EVI5L: variants seen among roughly 807,000 people sequenced by gnomAD.
EVI5L encodes EVI5-like protein.
A neutral mutation model predicts 106.1 loss-of-function variants in EVI5L; 30 were observed. That is an observed-to-expected ratio of 0.28 (90% CI 0.21 to 0.38). The LOEUF is 0.38. Among genes scored for constraint, EVI5L ranks in the 10% least tolerant of loss-of-function variants. The probability of loss-of-function intolerance (pLI) is 1.00; values close to 1 mark genes in which losing one functional copy is unlikely to be tolerated. For missense variants in EVI5L, 809 were observed against 1,098.0 expected, an observed-to-expected ratio of 0.74 and a Z score of 3.72; for synonymous variants, 489 against 483.3, an observed-to-expected ratio of 1.01 and a Z score of -0.15.
chr19:7,844,952 G>A (rs1040600546), intron 1 of EVI5L, among the ~76,000 whole-genome samples: 4 of 152,184 alleles, frequency 2.6e-5, no homozygotes, highest in Non-Finnish European at 5.9e-5. Context: ...AGGCCCTCAG[G>A]GGTTGGTTGG....
chr19:7,847,595 G>GAA (rs34340959), intron 2 of EVI5L, 137 bp from the exon 3 acceptor site: 14,194 of 637,774 alleles, frequency 0.022, no homozygotes, highest in South Asian at 0.033. Flanking sequence ...CAAAGAAGAA[G>GAA]AAAAAAAAAA....
rs376186448 is a variant in EVI5L at position 7,830,722 on chromosome 19, C to A, written c.-48+341C>A. Among the ~76,000 whole-genome samples the A allele has an allele frequency of 2.7e-4, 39 of 145,758 alleles. No homozygotes were observed. The East Asian group carries it at 8.3e-3, about 31-fold the overall frequency. On this transcript the variant is annotated intron_variant, in intron 1 of 19. Coordinates refer to ENST00000538904, the MANE Select transcript of EVI5L (RefSeq NM_001159944.3). Reference sequence around the variant, plus strand: ...ACCCCCTCAGGGCTCCCCATCCCCCCACTCCGCCGATCAGCCCCTCAGAAG... The same window carrying A: ...ACCCCCTCAGGGCTCCCCATCCCCCAACTCCGCCGATCAGCCCCTCAGAAG...
intron 14 of EVI5L, among the ~76,000 whole-genome samples, chr19:7,861,434 C>T (rs1979795241): frequency 6.6e-6 from 1 of 152,186 alleles, no homozygotes; most frequent in African/African-American, 2.4e-5. Flanking sequence ...ATCAATGAGC[C>T]CTGGGACACC....
rs544361500 is a variant in EVI5L at position 7,849,207 on chromosome 19, G to C, written c.553-49G>C. ...GGAAGGAGAAGTTCCCCAGTTCACC[G>C]GCTGTGCTGGACGGCGGGACCCTGC... On this transcript the variant is annotated intron_variant, in intron 4 of 19. Transcript: ENST00000538904. The C allele has an allele frequency of 1.5e-4, 236 of 1,613,242 alleles. 1 individual carries two copies. Among genetic ancestry groups the C allele is most frequent in the Non-Finnish European group, 2.3e-5 (27 of 1,179,274 alleles).
intron 4 of EVI5L, 26 bp from the exon 5 acceptor site, chr19:7,849,230 T>C (rs1979115361): frequency 1.2e-6 from 2 of 1,614,054 alleles, no homozygotes; most frequent in Non-Finnish European, 1.7e-6. Context: ...GGCGGGACCC[T>C]GCTCTCAGGA....
chr19:7,832,642 G>A (rs1476012454), intron 1 of EVI5L, among the ~76,000 whole-genome samples: 1 of 152,162 alleles, frequency 6.6e-6, no homozygotes, highest in African/African-American at 2.4e-5. Flanking sequence ...TGGCCACCCA[G>A]GTCCCTGCGA....
In EVI5L at chr19:7,861,972, C is replaced by T. The variant is rs2146439926; in HGVS notation, c.1598C>T (p.Thr533Met). The T allele has an allele frequency of 1.3e-6, 2 of 1,549,662 alleles. No homozygotes were observed. Among genetic ancestry groups the T allele is most frequent in the East Asian group, 2.4e-5 (1 of 40,906 alleles). ...KVREGQAVAS[T>M]RELKLQLQEL... ...CGGGAAGGCCAGGCGGTGGCCTCGA[C>T]GCGAGAGCTTAAACTGCAGCTGCAG... Residue 533 changes from threonine (T) to methionine (M), a missense_variant, in exon 15 of 20, where the codon ACG (threonine) becomes ATG (methionine). By Grantham distance (81) the Thr-to-Met change is moderately conservative. Transcript: ENST00000538904.
At position 7,849,992 on chromosome 19, in the gene EVI5L, C is replaced by A. The variant is rs28420566; in HGVS notation, c.628-5C>A. On this transcript the variant is annotated splice_polypyrimidine_tract_variant and splice_region_variant and intron_variant, in intron 5 of 19. Transcript: ENST00000538904. Reference sequence around the variant, plus strand: ...TGAGCCCCCCCACCTGCCCGTCCCCCCTAGATGCCTGAGGAGGAGGCCTTC... The same window carrying A: ...TGAGCCCCCCCACCTGCCCGTCCCCACTAGATGCCTGAGGAGGAGGCCTTC... 9 of 1,588,342 alleles carry A rather than the reference C, an allele frequency of 5.7e-6. No individual in the cohort carries two copies. Among genetic ancestry groups the A allele is most frequent in the Admixed American group, 3.6e-5 (2 of 56,228 alleles).
chr19:7,837,429 C>T (rs553630920), intron 1 of EVI5L, among the ~76,000 whole-genome samples: 32 of 152,188 alleles, frequency 2.1e-4, no homozygotes, highest in African/African-American at 4.8e-4. Context: ...TTCCATATGC[C>T]CCATACCCAG....
Position 7,835,805 on chromosome 19 carries a change from C to T in EVI5L, c.-48+5424C>T, listed in dbSNP as rs910088866. ...GAGGACCTAAGGTGCTAGGTTGGGC[C>T]ATTTCCCCAGAGGTCAGAGCCAGCC... On this transcript the variant is annotated intron_variant, in intron 1 of 19. Transcript: ENST00000538904. The surrounding 1 kb of genome is among the most constrained non-coding windows in gnomAD (Gnocchi z 4.1). Among the ~76,000 whole-genome samples the T allele has an allele frequency of 6.6e-6, 1 of 152,172 alleles. No individual in the cohort carries two copies. Among genetic ancestry groups the T allele is most frequent in the Non-Finnish European group, 1.5e-5 (1 of 68,036 alleles).
rs1428459319 is a variant in EVI5L, at chr19:7,835,559, C to T, written c.-48+5178C>T. On this transcript the variant is annotated intron_variant, in intron 1 of 19. Coordinates refer to ENST00000538904, the MANE Select transcript of EVI5L (RefSeq NM_001159944.3). The surrounding 1 kb of genome is among the most constrained non-coding windows in gnomAD (Gnocchi z 4.1). ...AAGAGGTAGAGGAAGGATTTGAACCCAGGCTGCAAGCTCTGAAGTTCTCAC... is the reference window on the plus strand; with the variant it reads ...AAGAGGTAGAGGAAGGATTTGAACCTAGGCTGCAAGCTCTGAAGTTCTCAC... Among the ~76,000 whole-genome samples, 1 of 152,116 alleles carries T rather than the reference C, an allele frequency of 6.6e-6. No individual in the cohort carries two copies. Among genetic ancestry groups the T allele is most frequent in the Non-Finnish European group, 1.5e-5 (1 of 68,016 alleles).
chr19:7,859,785 G>A (rs1275633217), intron 13 of EVI5L, among the ~76,000 whole-genome samples: 1 of 152,240 alleles, frequency 6.6e-6, no homozygotes, highest in African/African-American at 2.4e-5. Flanking sequence ...GGCCCAAAGG[G>A]AGGCCACTGC....
chr19:7,856,322 T>C lies in EVI5L; in HGVS notation c.1200+254T>C, dbSNP rs1439187325. Among the ~76,000 whole-genome samples, 2 of 151,756 alleles carry C rather than the reference T, an allele frequency of 1.3e-5. No homozygotes were observed. The highest frequency in any genetic ancestry group is 2.9e-5 in the Non-Finnish European group (2 of 67,912). ...GTGGCCTGCAGCCACGGGAATCCAT[T>C]TGTGTTCTGTGCCCTCCCCGGCTGC... On this transcript the variant is annotated intron_variant, in intron 11 of 19. Transcript: ENST00000538904. This position sits in a 1 kb window ranked among gnomAD's most constrained non-coding sequence, Gnocchi z 6.6.
At position 7,857,002 on chromosome 19, in the gene EVI5L, A is replaced by T; in HGVS notation, c.1201-90A>T. On this transcript the variant is annotated intron_variant, in intron 11 of 19. Transcript: ENST00000538904. This position sits in a 1 kb window ranked among gnomAD's most constrained non-coding sequence, Gnocchi z 4.5. ...AGAGATAGTCCACTGCGTTAGTGACAAGTGGTTCTTGTCTGTCTCCCCTCT... is the reference window on the plus strand; with the variant it reads ...AGAGATAGTCCACTGCGTTAGTGACTAGTGGTTCTTGTCTGTCTCCCCTCT... The T allele has an allele frequency of 7.4e-7, 1 of 1,343,950 alleles. No homozygotes were observed. Among genetic ancestry groups the T allele is most frequent in the East Asian group, 2.5e-5 (1 of 39,952 alleles). The allele number at this position is 1,343,950 out of a possible 1,614,324, so 83.3% of individuals were successfully genotyped here. A position where few individuals can be genotyped will look rare whatever the true frequency, so the allele number is the denominator to read the frequency against.
rs1421000894 is a variant in EVI5L, at chr19:7,863,776, C to G, written c.*74C>G. The G allele has an allele frequency of 1.4e-6, 2 of 1,414,318 alleles. No individual in the cohort carries two copies. Among genetic ancestry groups the G allele is most frequent in the Middle Eastern group, 2.6e-4 (1 of 3,852 alleles). The allele number at this position is 1,414,318 out of a possible 1,614,324, so 87.6% of individuals were successfully genotyped here. On this transcript the variant is annotated 3_prime_UTR_variant, in exon 20 of 20. Transcript: ENST00000538904. The surrounding 1 kb of genome is among the most constrained non-coding windows in gnomAD (Gnocchi z 7.7). ...GCCCGGGCAGTCCGCGTTCTGCTCC[C>G]CACCTGCCGCACTTGACAAACTACG...
chr19:7,839,022 G>A (rs1369535843), intron 1 of EVI5L, among the ~76,000 whole-genome samples: 4 of 150,888 alleles, frequency 2.7e-5, no homozygotes, highest in Non-Finnish European at 4.4e-5. Flanking sequence ...AAAATCCTTG[G>A]CCAGGCACGG....
Position 7,846,525 on chromosome 19 carries a change from C to T in EVI5L, c.-18C>T. 2 of 1,601,264 alleles carry T rather than the reference C, an allele frequency of 1.2e-6. No homozygotes were observed. The highest frequency in any genetic ancestry group is 1.7e-6 in the Non-Finnish European group (2 of 1,174,742). ...AGCTGTGAACCAACCCCGCTCACGG[C>T]TAACAAGCCCACCCACCATGGCGAG... On this transcript the variant is annotated 5_prime_UTR_variant, in exon 2 of 20. Transcript: ENST00000538904.
chr19:7,850,319 C>T lies in EVI5L; in HGVS notation c.753+197C>T, dbSNP rs1979179209. Among the ~76,000 whole-genome samples the T allele has an allele frequency of 6.6e-6, 1 of 152,280 alleles. No individual in the cohort carries two copies. The highest frequency in any genetic ancestry group is 6.5e-5 in the Admixed American group (1 of 15,308). On this transcript the variant is annotated intron_variant, in intron 6 of 19. Coordinates refer to ENST00000538904, the MANE Select transcript of EVI5L (RefSeq NM_001159944.3). This position sits in a 1 kb window ranked among gnomAD's most constrained non-coding sequence, Gnocchi z 5.4. ...AAAAGGCACTCCTCTTTCCATGCAG[C>T]ACTGCCCTGAAGGATGCTTGGAGGA...
chr19:7,858,492 C>T lies in EVI5L; in HGVS notation c.1374+161C>T. 1 of 877,202 alleles carries T rather than the reference C, an allele frequency of 1.1e-6. No homozygotes were observed. The highest frequency in any genetic ancestry group is 1.8e-5 in the South Asian group (1 of 55,782). The allele number at this position is 877,202 out of a possible 1,614,324, so 54.3% of individuals were successfully genotyped here. On this transcript the variant is annotated intron_variant, in intron 13 of 19. Transcript: ENST00000538904. The surrounding 1 kb of genome is among the most constrained non-coding windows in gnomAD (Gnocchi z 5.7). ...AACCCAGAGACAAGCGCAGATTCTC[C>T]CCCAGCAGCTCCACATTCTGAGACA...
Sources: gnomAD v4.1 joint callset for allele counts (sites outside exome capture counted in the v4.1 genomes callset) on GRCh38, gnomAD v4.1.1 for gene constraint, Gnocchi (gnomAD v3.1) non-coding constraint, MANE v1.5 for transcripts, NCBI Gene and HGNC (gene_info 2026-07-23, HGNC 2026-07-21) for gene names.